Variants in ACOXL observed in about 807,000 individuals in gnomAD.
The protein encoded by ACOXL is acyl-CoA oxidase like.
In ACOXL, 70 loss-of-function variants were observed where a neutral mutation model predicts 71.9. The observed-to-expected ratio is 0.97, with a 90% CI of 0.80 to 1.19. ACOXL has a LOEUF of 1.19. Among genes scored for constraint, ACOXL ranks in the 50% most tolerant of loss-of-function variants. The probability of loss-of-function intolerance (pLI) is 0.00; values close to 1 mark genes in which losing one functional copy is unlikely to be tolerated. For missense variants in ACOXL, 703 were observed against 736.3 expected (o/e 0.95, Z 0.52); for synonymous variants, 253 against 281.6 (o/e 0.90, Z 1.02).
chr2:110,891,263 TA>T (rs1272644512), intron 10 of ACOXL, among the ~76,000 whole-genome samples: 1 of 152,092 alleles, frequency 6.6e-6, no homozygotes, highest in East Asian at 1.9e-4. Context: ...TCTGGATACC[TA>T]AAGGATAATT....
intron 16 of ACOXL, among the ~76,000 whole-genome samples, chr2:111,050,728 C>T (rs1420544592): frequency 3.3e-5 from 5 of 152,176 alleles, no homozygotes; most frequent in South Asian, 2.1e-4. Flanking sequence ...CAGAGGGCAG[C>T]GACAGAGCCC....
intron 12 of ACOXL, among the ~76,000 whole-genome samples, chr2:110,952,040 G>C (rs1023209628): frequency 4.6e-5 from 7 of 152,180 alleles, no homozygotes; most frequent in African/African-American, 1.7e-4. Flanking sequence ...CTCTGGAAGA[G>C]TTTGTATAGA....
chr2:110,975,545 C>G (rs139763913), intron 12 of ACOXL, among the ~76,000 whole-genome samples: 112 of 151,784 alleles, frequency 7.4e-4, no homozygotes, highest in Non-Finnish European at 1.5e-3. Flanking sequence ...TCATAATAAC[C>G]ATCATCACAC....
In ACOXL at chr2:110,956,862, A is replaced by G. The variant is rs191473859; in HGVS notation, c.1059+23220A>G. On this transcript the variant is annotated intron_variant, in intron 12 of 17. Transcript: ENST00000439055. ...AAGTTTGGATCATAAAATATGTTTC[A>G]TGGGGCTGTCACTGAAATGGGACAC... Among the ~76,000 whole-genome samples the G allele has an allele frequency of 1.4e-4, 21 of 152,328 alleles. 1 individual carries two copies. The East Asian group carries it at 4.0e-3, about 29-fold the overall frequency.
At chr2:111,002,247 G>T (rs1430218032) in intron 14 of ACOXL, among the ~76,000 whole-genome samples, 2 of 141,054 alleles carry the variant, frequency 1.4e-5, no homozygotes, top group African/African-American at 5.6e-5. Flanking sequence ...CTCATAGACT[G>T]TGAGATGATA....
chr2:111,095,053 A>C (rs936554446), intron 17 of ACOXL, among the ~76,000 whole-genome samples: 4 of 152,214 alleles, frequency 2.6e-5, no homozygotes, highest in Non-Finnish European at 5.9e-5. Flanking sequence ...AGTCAGAGGA[A>C]GTCACAGTGC....
chr2:111,093,043 C>A, intron 17 of ACOXL, 77 bp downstream of exon 17: 1 of 1,184,452 alleles, frequency 8.4e-7, no homozygotes, highest in Non-Finnish European at 1.2e-6. Context: ...ACAGTCCTGC[C>A]AATCTTCTAT....
chr2:110,859,312 G>A (rs907339892), intron 10 of ACOXL, among the ~76,000 whole-genome samples: 3 of 152,184 alleles, frequency 2.0e-5, no homozygotes, highest in Non-Finnish European at 2.9e-5. Flanking sequence ...GTGTGCGAGT[G>A]GTGGCTAGAT....
rs141715201 is a variant in ACOXL, at chr2:111,042,480, C to T, written c.1370-6738C>T. ...GGGTCTTGAAACATGCATAGGTTCC[C>T]GAAGGTGGGGACGTGGCTCTGCAGG... On this transcript the variant is annotated intron_variant, in intron 15 of 17. Transcript: ENST00000439055. Among the ~76,000 whole-genome samples, 356 of 152,268 alleles carry T rather than the reference C, an allele frequency of 2.3e-3. 2 individuals carry two copies. Among genetic ancestry groups the T allele is most frequent in the African/African-American group, 7.8e-3 (326 of 41,552 alleles).
intron 16 of ACOXL, among the ~76,000 whole-genome samples, chr2:111,065,748 C>T (rs1479235233): frequency 1.3e-5 from 2 of 152,172 alleles, no homozygotes; most frequent in African/African-American, 2.4e-5. Context: ...CGGCAAATAA[C>T]GCATGAAAAG....
At chr2:110,735,599 ATGT>A (rs1676735868) in intron 1 of ACOXL, among the ~76,000 whole-genome samples, 1 of 152,182 alleles carries the variant, frequency 6.6e-6, no homozygotes, top group Non-Finnish European at 1.5e-5. Context: ...CCCAGGGGCA[ATGT>A]AGGCACAGCC....
At chr2:110,841,976 G>A (rs1239885663) in intron 10 of ACOXL, among the ~76,000 whole-genome samples, 1 of 152,214 alleles carries the variant, frequency 6.6e-6, no homozygotes. Context: ...AGATGTTAAA[G>A]TAAGATCCAG....
rs531256804 is a variant in ACOXL, at chr2:110,820,687, G to A, written c.753+15292G>A. 2.6e-5 allele frequency among the ~76,000 whole-genome samples: 4 copies of A among 152,250 alleles called. No homozygotes were observed. The South Asian group carries it at 8.3e-4, about 32-fold the overall frequency. On this transcript the variant is annotated intron_variant, in intron 9 of 17. Coordinates refer to ENST00000439055, the MANE Select transcript of ACOXL (RefSeq NM_001142807.4). Reference sequence around the variant, plus strand: ...TGTTATACCTCTGGTCTTGAGTGGCGTACCTTGTTCTAATTTGTATTTGTG... The same window carrying A: ...TGTTATACCTCTGGTCTTGAGTGGCATACCTTGTTCTAATTTGTATTTGTG...
intron 1 of ACOXL, among the ~76,000 whole-genome samples, chr2:110,737,499 G>T (rs1677011446): frequency 6.6e-6 from 1 of 152,180 alleles, no homozygotes; most frequent in Admixed American, 6.5e-5. Context: ...ATGCCCCACA[G>T]TGTACCATAT....
At chr2:110,922,728 T>G (rs2060124531) in intron 11 of ACOXL, among the ~76,000 whole-genome samples, 1 of 152,180 alleles carries the variant, frequency 6.6e-6, no homozygotes, top group Non-Finnish European at 1.5e-5. Flanking sequence ...TCCAGGTACC[T>G]GTATCAGAGA....
chr2:111,057,619 C>G (rs1347448373), intron 16 of ACOXL, among the ~76,000 whole-genome samples: 2 of 152,174 alleles, frequency 1.3e-5, no homozygotes, highest in African/African-American at 2.4e-5. Flanking sequence ...GAGGGGTTCC[C>G]TCTCTTGCCA....
In ACOXL at chr2:111,086,686, C is replaced by T. The variant is rs74688763; in HGVS notation, c.1441-6179C>T. 3.3e-4 allele frequency among the ~76,000 whole-genome samples: 50 copies of T among 152,230 alleles called. No homozygotes were observed. In the East Asian group the frequency reaches 8.7e-3, roughly 26 times the overall value. ...CATAGTAAGAGTCATCTATGAAAAA[C>T]CCACAGTCAAAATCATGCTGAATGG... On this transcript the variant is annotated intron_variant, in intron 16 of 17. Transcript: ENST00000439055.
At chr2:110,965,863 A>T (rs2061903235) in intron 12 of ACOXL, among the ~76,000 whole-genome samples, 1 of 152,160 alleles carries the variant, frequency 6.6e-6, no homozygotes, top group East Asian at 1.9e-4. Flanking sequence ...TCTCCCATAT[A>T]TCCCAGACAG....
intron 10 of ACOXL, among the ~76,000 whole-genome samples, chr2:110,896,417 G>T (rs2149174910): frequency 6.6e-6 from 1 of 152,214 alleles, no homozygotes; most frequent in East Asian, 1.9e-4. Flanking sequence ...AAATAATTCA[G>T]TTAAAAAATA....
Sources: gnomAD v4.1 joint callset for allele counts (sites outside exome capture counted in the v4.1 genomes callset) on GRCh38, gnomAD v4.1.1 for gene constraint, MANE v1.5 for transcripts, NCBI Gene and HGNC (gene_info 2026-07-23, HGNC 2026-07-21) for gene names.